Variants in PCDHA7 observed in about 807,000 individuals in gnomAD.
PCDHA7 encodes protocadherin alpha 7, also known as protocadherin alpha-7.
Under a neutral mutation model 57.2 loss-of-function variants are expected in PCDHA7, and 37 were observed. The observed-to-expected ratio is 0.65, with a 90% CI of 0.50 to 0.85. The LOEUF is 0.85. PCDHA7 is among the 40% of genes least tolerant of loss of function. The pLI is 0.00. For missense variants in PCDHA7, 1,188 were observed against 1,241.8 expected, an observed-to-expected ratio of 0.96 and a Z score of 0.65; for synonymous variants, 553 against 558.8, an observed-to-expected ratio of 0.99 and a Z score of 0.15.
At chr5:140,840,420 G>T (rs1446278635) in intron 1 of PCDHA7, among the ~76,000 whole-genome samples, 1 of 151,882 alleles carries the variant, frequency 6.6e-6, no homozygotes, top group Non-Finnish European at 1.5e-5. Context: ...CAAATAATAG[G>T]CTAGTTTAAA....
chr5:140,882,882 T>C (rs1554175954), intron 1 of PCDHA7: 2 of 1,614,206 alleles, frequency 1.2e-6, no homozygotes, highest in Non-Finnish European at 1.7e-6. Context: ...AGAGAGGAAA[T>C]TCAGGAACAT....
chr5:140,971,163 T>C (rs2096460132), intron 1 of PCDHA7, among the ~76,000 whole-genome samples: 1 of 152,180 alleles, frequency 6.6e-6, no homozygotes, highest in Non-Finnish European at 1.5e-5. Flanking sequence ...AGGCTCAGCT[T>C]TGCCACCAGC....
At chr5:140,853,848 C>T (rs2042883759) in intron 1 of PCDHA7, 1 of 985,936 alleles carries the variant, frequency 1.0e-6, no homozygotes, top group Non-Finnish European at 1.2e-6. Context: ...AGATCCATAG[C>T]CCTATTTGAT....
At chr5:140,881,373 AGCCG>A in intron 1 of PCDHA7, 2 of 985,074 alleles carry the variant, frequency 2.0e-6, no homozygotes, top group Non-Finnish European at 2.4e-6. Flanking sequence ...TATGAATTGC[AGCCG>A]GCGGCGGTAA....
At chr5:140,871,497 G>T in intron 1 of PCDHA7, 1 of 1,586,946 alleles carries the variant, frequency 6.3e-7, no homozygotes, top group East Asian at 2.3e-5. Context: ...CCGGACAGGT[G>T]AGTTTTCTAC....
chr5:140,875,261 G>T, intron 1 of PCDHA7: 1 of 1,130,462 alleles, frequency 8.8e-7, no homozygotes, highest in East Asian at 2.7e-5. Flanking sequence ...ACATGATGTC[G>T]CTCTACACTC....
At chr5:141,003,087 G>T (rs894210434) in intron 3 of PCDHA7, among the ~76,000 whole-genome samples, 2 of 152,198 alleles carry the variant, frequency 1.3e-5, no homozygotes, top group African/African-American at 4.8e-5. Context: ...AGTTTAACAG[G>T]CCTGGCATTT....
intron 1 of PCDHA7, chr5:140,926,329 A>G (rs1435633972): frequency 6.6e-6 from 1 of 152,150 alleles, no homozygotes; most frequent in Non-Finnish European, 1.5e-5. Flanking sequence ...CCGGGGTCAG[A>G]GCGCCGGGAC....
At chr5:140,892,111 A>G (rs918433393) in intron 1 of PCDHA7, among the ~76,000 whole-genome samples, 3 of 152,206 alleles carry the variant, frequency 2.0e-5, no homozygotes, top group Admixed American at 2.0e-4. Context: ...CTTGGCATTT[A>G]TATCTGGAAC....
chr5:141,006,680 G>A (rs1449792614), intron 3 of PCDHA7, among the ~76,000 whole-genome samples: 5 of 152,036 alleles, frequency 3.3e-5, no homozygotes, highest in African/African-American at 1.2e-4. Flanking sequence ...AGTGAAAATT[G>A]GGAGAAGAGG....
chr5:140,861,488 T>C lies in PCDHA7; in HGVS notation c.2355+24750T>C, dbSNP rs182152713. 8.2e-6 allele frequency: 4 copies of C among 489,384 alleles called. No individual in the cohort carries two copies. In the East Asian group the frequency reaches 1.8e-4, roughly 21 times the overall value. The allele number at this position is 489,384 out of a possible 1,614,324, so 30.3% of individuals were successfully genotyped here. A position where few individuals can be genotyped will look rare whatever the true frequency, so the allele number is the denominator to read the frequency against. On this transcript the variant is annotated intron_variant, in intron 1 of 3. Transcript: ENST00000525929. ...ATCTGCAGAATGGCATTTTTGTGAGTTCTCTGATAGACCTCGAGGAGCTGT... is the reference window on the plus strand; with the variant it reads ...ATCTGCAGAATGGCATTTTTGTGAGCTCTCTGATAGACCTCGAGGAGCTGT...
chr5:140,917,417 C>T (rs1163543772), intron 1 of PCDHA7, among the ~76,000 whole-genome samples: 1 of 152,082 alleles, frequency 6.6e-6, no homozygotes, highest in African/African-American at 2.4e-5. Flanking sequence ...TAATTAGGCC[C>T]CATTTGCCAA....
chr5:140,973,148 T>G (rs2096574239), intron 1 of PCDHA7, among the ~76,000 whole-genome samples: 1 of 152,210 alleles, frequency 6.6e-6, no homozygotes, highest in Non-Finnish European at 1.5e-5. Context: ...TTCACTTATT[T>G]TAAAGCAATT....
intron 1 of PCDHA7, among the ~76,000 whole-genome samples, chr5:140,879,152 A>C (rs1369330748): frequency 6.6e-6 from 1 of 152,210 alleles, no homozygotes; most frequent in African/African-American, 2.4e-5. Context: ...CAGGAAAGCT[A>C]TTTCTTTTTT....
In PCDHA7 at chr5:141,010,449, C is replaced by G. The variant is rs764975082; in HGVS notation, c.*512C>G. 1.1e-6 allele frequency: 1 copy of G among 915,348 alleles called. No homozygotes were observed. Among genetic ancestry groups the G allele is most frequent in the East Asian group, 2.7e-5 (1 of 36,418 alleles). 56.7% of individuals were successfully genotyped at this position (915,348 alleles called of 1,614,324 possible). ...CAAGAAAACAAAGACAAATAAACAGCGGAAGTTATCAGTATGGAGGGGAAG... is the reference window on the plus strand; with the variant it reads ...CAAGAAAACAAAGACAAATAAACAGGGGAAGTTATCAGTATGGAGGGGAAG... On this transcript the variant is annotated 3_prime_UTR_variant, in exon 4 of 4. Transcript: ENST00000525929.
intron 1 of PCDHA7, among the ~76,000 whole-genome samples, chr5:140,974,318 A>G (rs2096622244): frequency 6.6e-6 from 1 of 152,206 alleles, no homozygotes; most frequent in Admixed American, 6.5e-5. Context: ...GTGAGAGAGT[A>G]GCTGCTGTGC....
At chr5:140,927,827 C>T (rs1554205116) in intron 1 of PCDHA7, 2 of 1,614,100 alleles carry the variant, frequency 1.2e-6, no homozygotes, top group South Asian at 2.2e-5. Flanking sequence ...TACATTGAGG[C>T]GAGGGACGAA....
rs782603246 is a variant in PCDHA7, at chr5:140,883,847, G to T, written c.2355+47109G>T. On this transcript the variant is annotated intron_variant, in intron 1 of 3. Transcript: ENST00000525929. ...CGCGCTGCAGCCGTTGGACCACGAGGAGCTGGAGCTGTTGCAGTTCCAGGT... is the reference window on the plus strand; with the variant it reads ...CGCGCTGCAGCCGTTGGACCACGAGTAGCTGGAGCTGTTGCAGTTCCAGGT... 4.3e-6 allele frequency: 7 copies of T among 1,612,760 alleles called. No individual in the cohort carries two copies. The East Asian group carries it at 1.3e-4, about 31-fold the overall frequency.
chr5:140,877,457 C>T lies in PCDHA7; in HGVS notation c.2355+40719C>T, dbSNP rs73263833. On this transcript the variant is annotated intron_variant, in intron 1 of 3. Coordinates refer to ENST00000525929, the MANE Select transcript of PCDHA7 (RefSeq NM_018910.3). ...CACGGTGAGCCCGCGCTGACGTCCACGGCCACGGTGCTGGTGTCGCTGGTG... is the reference window on the plus strand; with the variant it reads ...CACGGTGAGCCCGCGCTGACGTCCATGGCCACGGTGCTGGTGTCGCTGGTG... 1.0e-3 allele frequency: 1,615 copies of T among 1,613,806 alleles called. 8 individuals carry two copies. The African/African-American group carries it at 0.018, about 18-fold the overall frequency.
Sources: gnomAD v4.1 joint callset for allele counts (sites outside exome capture counted in the v4.1 genomes callset) on GRCh38, gnomAD v4.1.1 for gene constraint, MANE v1.5 for transcripts, NCBI Gene and HGNC (gene_info 2026-07-23, HGNC 2026-07-21) for gene names.